Variants in SOBP observed in about 807,000 individuals in gnomAD.
The protein encoded by SOBP is sine oculis-binding protein homolog.
SOBP carries 4 observed loss-of-function variants against 53.6 expected under a neutral mutation model. The ratio of observed to expected loss-of-function variants is 0.07; its 90% CI spans 0.04 to 0.17. SOBP has a LOEUF of 0.17. Ranked by LOEUF, SOBP falls within the 10% of genes least tolerant of loss-of-function variation. The probability of loss-of-function intolerance (pLI) is 1.00; values close to 1 mark genes in which losing one functional copy is unlikely to be tolerated. For missense variants in SOBP, 1,088 were observed against 1,204.7 expected, an observed-to-expected ratio of 0.90 and a Z score of 1.43; for synonymous variants, 584 against 522.6, an observed-to-expected ratio of 1.12 and a Z score of -1.60.
At chr6:107,507,118 G>A (rs1783018325) in intron 3 of SOBP, among the ~76,000 whole-genome samples, 2 of 151,920 alleles carry the variant, frequency 1.3e-5, no homozygotes, top group African/African-American at 4.8e-5. Context: ...CATAAGGAGG[G>A]CCACATCTCC....
intron 4 of SOBP, among the ~76,000 whole-genome samples, chr6:107,577,386 AC>A (rs1785261461): frequency 6.6e-6 from 1 of 152,046 alleles, no homozygotes; most frequent in South Asian, 2.1e-4. Flanking sequence ...TTGGTGCTCC[AC>A]CCCCTCATCC....
At chr6:107,657,015 A>G (rs1772096615) in intron 6 of SOBP, among the ~76,000 whole-genome samples, 1 of 152,264 alleles carries the variant, frequency 6.6e-6, no homozygotes, top group Non-Finnish European at 1.5e-5. Context: ...GCATGGCAGA[A>G]GAGAGGCGCC....
chr6:107,612,405 G>A (rs966652809), intron 5 of SOBP, among the ~76,000 whole-genome samples: 1 of 152,186 alleles, frequency 6.6e-6, no homozygotes, highest in Admixed American at 6.5e-5. Flanking sequence ...AAAGCAAGAT[G>A]AGAAGAGAGT....
At chr6:107,578,072 T>G (rs1171828343) in intron 4 of SOBP, among the ~76,000 whole-genome samples, 2 of 68,858 alleles carry the variant, frequency 2.9e-5, no homozygotes, top group African/African-American at 2.2e-4. Flanking sequence ...AGACTCTGTC[T>G]CAAAAAAAAA....
At chr6:107,646,275 T>G (rs1469194066) in intron 6 of SOBP, among the ~76,000 whole-genome samples, 1 of 152,250 alleles carries the variant, frequency 6.6e-6, no homozygotes, top group Non-Finnish European at 1.5e-5. Flanking sequence ...ACTTTCTTTG[T>G]GCTAAGTGGG....
At chr6:107,641,141 GTT>G (rs1297728059) in intron 6 of SOBP, among the ~76,000 whole-genome samples, 1 of 152,162 alleles carries the variant, frequency 6.6e-6, no homozygotes, top group Non-Finnish European at 1.5e-5. Context: ...AATTTTTCTT[GTT>G]TCTCTGAGGA....
At chr6:107,530,192 C>T (rs1210962518) in intron 3 of SOBP, among the ~76,000 whole-genome samples, 3 of 152,064 alleles carry the variant, frequency 2.0e-5, no homozygotes, top group African/African-American at 7.2e-5. Flanking sequence ...TTTTCCCTAG[C>T]TTGAAGAAAT....
intron 4 of SOBP, among the ~76,000 whole-genome samples, chr6:107,561,267 T>G (rs909839909): frequency 1.3e-5 from 2 of 152,130 alleles, no homozygotes; most frequent in African/African-American, 4.8e-5. Context: ...CATACGTAGT[T>G]CATGGGGTTT....
chr6:107,554,410 A>T (rs1784549311), intron 4 of SOBP, among the ~76,000 whole-genome samples: 1 of 152,176 alleles, frequency 6.6e-6, no homozygotes. Context: ...AAGATGTTGG[A>T]TTAAATAATC....
chr6:107,544,413 C>A (rs899296654), intron 4 of SOBP, among the ~76,000 whole-genome samples: 1 of 152,182 alleles, frequency 6.6e-6, no homozygotes, highest in African/African-American at 2.4e-5. Flanking sequence ...TCTCATGAAG[C>A]TTATAGTCCA....
chr6:107,631,223 C>T (rs1045877845), intron 5 of SOBP, among the ~76,000 whole-genome samples: 2 of 151,822 alleles, frequency 1.3e-5, no homozygotes, highest in African/African-American at 4.8e-5. Flanking sequence ...AAATAAGATC[C>T]AAAAAAATAT....
chr6:107,501,925 G>C (rs1041216029), intron 1 of SOBP, among the ~76,000 whole-genome samples: 1 of 152,182 alleles, frequency 6.6e-6, no homozygotes, highest in Non-Finnish European at 1.5e-5. Flanking sequence ...CCTCACTAAA[G>C]CTTGATGTGA....
intron 4 of SOBP, among the ~76,000 whole-genome samples, chr6:107,586,407 A>G (rs1386970971): frequency 6.6e-6 from 1 of 152,216 alleles, no homozygotes; most frequent in East Asian, 1.9e-4. Context: ...ACTGTATGCA[A>G]GCGGTATTGC....
At chr6:107,637,919 G>A (rs887258652) in intron 6 of SOBP, among the ~76,000 whole-genome samples, 4 of 152,190 alleles carry the variant, frequency 2.6e-5, no homozygotes, top group African/African-American at 9.6e-5. Flanking sequence ...CAGAAGATGT[G>A]GTGATGAAAT....
intron 4 of SOBP, among the ~76,000 whole-genome samples, chr6:107,540,181 T>C (rs1348729376): frequency 6.6e-6 from 1 of 152,238 alleles, no homozygotes; most frequent in Non-Finnish European, 1.5e-5. Context: ...CTTTGCAATG[T>C]CTGGTCACAA....
At chr6:107,548,243 T>C (rs1784357804) in intron 4 of SOBP, among the ~76,000 whole-genome samples, 1 of 151,572 alleles carries the variant, frequency 6.6e-6, no homozygotes, top group Non-Finnish European at 1.5e-5. Context: ...AATTTTCTTT[T>C]TCTGTTTTCT....
intron 1 of SOBP, among the ~76,000 whole-genome samples, chr6:107,498,998 G>A (rs994778373): frequency 1.3e-5 from 2 of 152,152 alleles, no homozygotes; most frequent in East Asian, 3.8e-4. Flanking sequence ...GAGCACCCCT[G>A]TTAAGGAAAC....
At chr6:107,520,067 C>A (rs2114969252) in intron 3 of SOBP, among the ~76,000 whole-genome samples, 1 of 152,218 alleles carries the variant, frequency 6.6e-6, no homozygotes, top group East Asian at 1.9e-4. Context: ...AAAAGGGCAC[C>A]AGATTCTCAG....
chr6:107,590,744 T>C (rs1785716176), intron 5 of SOBP, among the ~76,000 whole-genome samples: 1 of 152,114 alleles, frequency 6.6e-6, no homozygotes, highest in Admixed American at 6.6e-5. Context: ...TGATCAGAAG[T>C]GATGATGAGA....
Sources: gnomAD v4.1 joint callset for allele counts (sites outside exome capture counted in the v4.1 genomes callset) on GRCh38, gnomAD v4.1.1 for gene constraint, MANE v1.5 for transcripts, NCBI Gene and HGNC (gene_info 2026-07-23, HGNC 2026-07-21) for gene names.